The following THTPA variants were observed in gnomAD, a reference collection of about 807,000 sequenced individuals.
THTPA encodes thiamine-triphosphatase.
In THTPA, 16 loss-of-function variants were observed where a neutral mutation model predicts 16.5. The observed-to-expected ratio is 0.97, with a 90% CI of 0.66 to 1.47. THTPA has a LOEUF of 1.47. Among genes scored for constraint, THTPA ranks in the 40% most tolerant of loss-of-function variants. THTPA has a pLI of 0.00. For synonymous variants in THTPA, 110 were observed against 115.5 expected (o/e 0.95, Z 0.30); for missense variants, 281 against 280.9 (o/e 1.00, Z 0.00).
At chr14:23,539,543 G>A in the THTPA span, among the ~76,000 whole-genome samples, 3 of 152,144 alleles carry the variant, frequency 2.0e-5, no homozygotes, top group Admixed American at 6.5e-5. Flanking sequence ...CTTAAGGACC[G>A]GAGAATTACA....
At chr14:23,545,606 A>T in the THTPA span, among the ~76,000 whole-genome samples, 6 of 152,156 alleles carry the variant, frequency 3.9e-5, no homozygotes, top group Non-Finnish European at 4.4e-5. Flanking sequence ...TTTCAAGTGC[A>T]CTTCTTTCCC....
the THTPA span, chr14:23,548,481 C>T: frequency 6.6e-6 from 1 of 152,204 alleles, no homozygotes; most frequent in African/African-American, 2.4e-5. Flanking sequence ...CCAGCTGCCT[C>T]TGACATCATG....
the THTPA span, among the ~76,000 whole-genome samples, chr14:23,544,763 G>C: frequency 6.6e-6 from 1 of 152,204 alleles, no homozygotes; most frequent in Non-Finnish European, 1.5e-5. Context: ...ATTAGAGATG[G>C]AGATGAGGCC....
chr14:23,512,067 T>C, the THTPA span, among the ~76,000 whole-genome samples: 4 of 151,996 alleles, frequency 2.6e-5, no homozygotes, highest in Non-Finnish European at 4.4e-5. Flanking sequence ...TCTCTACTTC[T>C]CTTCACATCC....
chr14:23,519,166 G>T, the THTPA span, among the ~76,000 whole-genome samples: 1 of 152,038 alleles, frequency 6.6e-6, no homozygotes, highest in African/African-American at 2.4e-5. Context: ...GAGGAGGGGG[G>T]ATTTCTGGTT....
chr14:23,553,689 T>C (rs1882136090), upstream of THTPA, among the ~76,000 whole-genome samples: 1 of 149,962 alleles, frequency 6.7e-6, no homozygotes, highest in Admixed American at 6.7e-5. Flanking sequence ...GATCAGGAGA[T>C]CGAGACCATC....
upstream of THTPA, chr14:23,551,296 G>A (rs185512632): frequency 6.6e-6 from 1 of 152,656 alleles, no homozygotes; most frequent in East Asian, 1.9e-4. This position sits in a 1 kb window ranked among gnomAD's most constrained non-coding sequence, Gnocchi z 5.3. Context: ...GAGAGAGGGA[G>A]AGGAGAAAAA....
rs747998108 is a variant in THTPA, at chr14:23,559,717, A to C, written c.*877A>C. 6.2e-6 allele frequency: 10 copies of C among 1,607,782 alleles called. No homozygotes were observed. The highest frequency in any genetic ancestry group is 8.5e-6 in the Non-Finnish European group (10 of 1,175,372). On this transcript the variant is annotated 3_prime_UTR_variant, in exon 2 of 2. Coordinates refer to ENST00000288014, the MANE Select transcript of THTPA (RefSeq NM_024328.6). ...GCTGGGGCCCCCTGGGGTTTGGGAC[A>C]CAGGAGAATTTCAGGCTGTGAGTGG...
chr14:23,557,392 C>G, intron 1 of THTPA, 88 bp downstream of exon 1: 3 of 1,385,666 alleles, frequency 2.2e-6, no homozygotes, highest in Non-Finnish European at 2.8e-6. Context: ...GGGGGAGGGC[C>G]TCCGGATTAA....
chr14:23,545,502 C>T, the THTPA span, among the ~76,000 whole-genome samples: 3 of 152,192 alleles, frequency 2.0e-5, no homozygotes, highest in Admixed American at 6.5e-5. Flanking sequence ...GGTTTTTCAC[C>T]TTTGACTCCT....
At chr14:23,516,571 G>A in the THTPA span, among the ~76,000 whole-genome samples, 1 of 152,218 alleles carries the variant, frequency 6.6e-6, no homozygotes, top group East Asian at 1.9e-4. Flanking sequence ...GTGGGTTTCT[G>A]AAACCTCATC....
chr14:23,541,325 G>C, the THTPA span, among the ~76,000 whole-genome samples: 1 of 140,152 alleles, frequency 7.1e-6, no homozygotes, highest in Non-Finnish European at 1.5e-5. Flanking sequence ...TTTCGCTCTT[G>C]TTGCCCAGGC....
At chr14:23,527,046 C>T in the THTPA span, 1 of 1,427,410 alleles carries the variant, frequency 7.0e-7, no homozygotes, top group Non-Finnish European at 9.1e-7. Context: ...ACCCATCTGC[C>T]CTACACCTGT....
the THTPA span, among the ~76,000 whole-genome samples, chr14:23,519,987 C>G: frequency 3.9e-5 from 6 of 152,172 alleles, no homozygotes; most frequent in Non-Finnish European, 8.8e-5. Flanking sequence ...ATTTTGCAGA[C>G]TTTTCTTTGC....
the THTPA span, chr14:23,530,455 A>G: frequency 1.5e-6 from 1 of 651,236 alleles, no homozygotes; most frequent in Non-Finnish European, 2.8e-6. Flanking sequence ...GAAGTCCAGC[A>G]GTAGACAGCA....
the THTPA span, chr14:23,526,819 T>A: frequency 6.6e-7 from 1 of 1,523,722 alleles, no homozygotes; most frequent in South Asian, 1.2e-5. Flanking sequence ...TCCTGGTACC[T>A]TGGGAGGTTT....
At chr14:23,544,647 C>T in the THTPA span, among the ~76,000 whole-genome samples, 3,167 of 152,278 alleles carry the variant, frequency 0.021, 117 homozygotes, top group African/African-American at 0.072. Flanking sequence ...CCGGCTGGCG[C>T]GGGCGTGTTT....
At chr14:23,512,889 G>A in the THTPA span, 2 of 150,648 alleles carry the variant, frequency 1.3e-5, no homozygotes, top group African/African-American at 4.9e-5. Flanking sequence ...TTGTGGGGAG[G>A]AAAAGAGGGG....
chr14:23,540,835 C>G, the THTPA span, among the ~76,000 whole-genome samples: 52 of 152,300 alleles, frequency 3.4e-4, no homozygotes, highest in South Asian at 9.7e-3. Context: ...TTTCCTGTCT[C>G]CCGTCACAGA....
Sources: allele counts gnomAD v4.1 joint callset (sites outside exome capture counted in the v4.1 genomes callset), GRCh38; gene constraint gnomAD v4.1.1; non-coding constraint Gnocchi (gnomAD v3.1); transcripts MANE v1.5; gene names NCBI Gene and HGNC (gene_info 2026-07-23, HGNC 2026-07-21).